The following ARHGAP6 variants were observed in gnomAD, a reference collection of about 807,000 sequenced individuals.
The protein encoded by ARHGAP6 is rho GTPase-activating protein 6.
ARHGAP6 carries 16 observed loss-of-function variants against 55.7 expected under a neutral mutation model. The observed-to-expected ratio is 0.29, with a 90% CI of 0.19 to 0.44. ARHGAP6 has a LOEUF of 0.44. ARHGAP6 is among the 20% of genes least tolerant of loss of function. The pLI, the probability that ARHGAP6 is intolerant of heterozygous loss-of-function variation, is 1.00. For synonymous variants in ARHGAP6, 382 were observed against 360.9 expected (o/e 1.06, Z -0.66); for missense variants, 698 against 808.9 (o/e 0.86, Z 1.66).
intron 1 of ARHGAP6, among the ~76,000 whole-genome samples, chrX:11,417,107 C>CAT (rs2049762365): frequency 2.3e-5 from 1 of 44,148 alleles, no homozygotes; most frequent in African/African-American, 1.0e-4. Context: ...TATATATATA[C>CAT]ACATACATAT....
intron 1 of ARHGAP6, among the ~76,000 whole-genome samples, chrX:11,640,784 A>G (rs1009702283): frequency 9.0e-6 from 1 of 111,536 alleles, no homozygotes; most frequent in African/African-American, 3.2e-5. Flanking sequence ...AGGCAGCTCA[A>G]AGTACCCCCA....
chrX:11,514,372 C>T (rs1053339751), intron 1 of ARHGAP6, among the ~76,000 whole-genome samples: 10 of 109,793 alleles, frequency 9.1e-5, no homozygotes, highest in Non-Finnish European at 1.5e-4. Flanking sequence ...CAGAATTGCT[C>T]AATTTACCAC....
intron 2 of ARHGAP6, among the ~76,000 whole-genome samples, chrX:11,231,072 A>G (rs940756224): frequency 2.0e-4 from 22 of 111,934 alleles, no homozygotes; most frequent in Non-Finnish European, 4.1e-4. Context: ...TTTAATTTAT[A>G]TATTTGTGAC....
At chrX:11,330,434 A>G (rs1275381116) in intron 1 of ARHGAP6, among the ~76,000 whole-genome samples, 1 of 111,889 alleles carries the variant, frequency 8.9e-6, no homozygotes, top group Non-Finnish European at 1.9e-5. Flanking sequence ...TTATTAATAT[A>G]TAATTTTAAA....
In ARHGAP6 at chrX:11,462,651, C is replaced by T. The variant is rs749697290; in HGVS notation, c.588+201590G>A. 2.4e-4 allele frequency among the ~76,000 whole-genome samples: 27 copies of T among 112,444 alleles called. No individual in the cohort carries two copies. The South Asian group carries it at 9.3e-3, about 39-fold the overall frequency. ...TTATAATGAGATTTGGGATAACATT[C>T]TGATTCTCCAAATCTTAGAAAGCAG... On this transcript the variant is annotated intron_variant, in intron 1 of 12. Coordinates refer to ENST00000337414, the MANE Select transcript of ARHGAP6 (RefSeq NM_013427.3).
chrX:11,144,548 T>A (rs1804240331), intron 10 of ARHGAP6, among the ~76,000 whole-genome samples: 1 of 112,729 alleles, frequency 8.9e-6, no homozygotes, highest in African/African-American at 3.2e-5. Context: ...CATCGCTAAG[T>A]GCCTCAGGGA....
At chrX:11,176,529 T>A (rs1202150661) in intron 8 of ARHGAP6, among the ~76,000 whole-genome samples, 1 of 105,714 alleles carries the variant, frequency 9.5e-6, no homozygotes, top group Non-Finnish European at 1.9e-5. Context: ...AGGGCAACAA[T>A]GAGTTCGATT....
At chrX:11,214,891 C>T (rs755305809) in intron 2 of ARHGAP6, among the ~76,000 whole-genome samples, 9 of 113,185 alleles carry the variant, frequency 8.0e-5, no homozygotes, top group Admixed American at 2.8e-4. Flanking sequence ...GGTGGGGAGG[C>T]GGGGAAAGCC....
intron 1 of ARHGAP6, among the ~76,000 whole-genome samples, chrX:11,529,051 C>T (rs776089963): frequency 6.3e-5 from 7 of 111,944 alleles, no homozygotes; most frequent in East Asian, 2.8e-4. Context: ...ATGTCACACA[C>T]ACAATCTCCC....
At chrX:11,440,165 T>C (rs1163805860) in intron 1 of ARHGAP6, among the ~76,000 whole-genome samples, 1 of 112,406 alleles carries the variant, frequency 8.9e-6, no homozygotes, top group Non-Finnish European at 1.9e-5. Flanking sequence ...CTATTATTCT[T>C]CCTTGTCTTA....
chrX:11,632,397 T>A (rs1379100372), intron 1 of ARHGAP6, among the ~76,000 whole-genome samples: 1 of 112,380 alleles, frequency 8.9e-6, no homozygotes, highest in Non-Finnish European at 1.9e-5. Flanking sequence ...CTAGAAAGCC[T>A]TTGGGGTTAC....
At chrX:11,405,573 T>G (rs1347644084) in intron 1 of ARHGAP6, among the ~76,000 whole-genome samples, 3 of 112,338 alleles carry the variant, frequency 2.7e-5, no homozygotes, top group African/African-American at 9.7e-5. Context: ...TTAAAAAATT[T>G]TAATGGCAAG....
At chrX:11,215,157 C>T (rs1210650388) in intron 2 of ARHGAP6, among the ~76,000 whole-genome samples, 7 of 112,591 alleles carry the variant, frequency 6.2e-5, no homozygotes, top group African/African-American at 9.7e-5. Context: ...CCCAGCAGGA[C>T]AGGACACTTG....
intron 10 of ARHGAP6, among the ~76,000 whole-genome samples, chrX:11,146,450 G>A (rs982142240): frequency 1.8e-5 from 2 of 111,854 alleles, no homozygotes; most frequent in African/African-American, 6.5e-5. Flanking sequence ...TAGACAGAGG[G>A]GGCATCCAAT....
chrX:11,478,919 AAACT>A (rs2050429238), intron 1 of ARHGAP6, among the ~76,000 whole-genome samples: 1 of 112,142 alleles, frequency 8.9e-6, no homozygotes, highest in Non-Finnish European at 1.9e-5. Context: ...GTGTAAGCCC[AAACT>A]CTTTGAACTC....
intron 3 of ARHGAP6, among the ~76,000 whole-genome samples, chrX:11,192,035 A>C (rs755598984): frequency 9.0e-6 from 1 of 111,678 alleles, no homozygotes; most frequent in African/African-American, 3.3e-5. Context: ...TTAAACTTCC[A>C]TCCATAGATA....
At chrX:11,651,488 G>A (rs950396554) in intron 1 of ARHGAP6, among the ~76,000 whole-genome samples, 1 of 111,992 alleles carries the variant, frequency 8.9e-6, no homozygotes, top group Non-Finnish European at 1.9e-5. Context: ...TTTTATGACT[G>A]CAGAGTATTC....
intron 1 of ARHGAP6, among the ~76,000 whole-genome samples, chrX:11,360,240 T>C (rs1291375611): frequency 1.8e-5 from 2 of 111,863 alleles, no homozygotes; most frequent in Admixed American, 9.5e-5. Context: ...TGATGAACAT[T>C]GATGCAAAAA....
At chrX:11,404,841 A>G (rs2049592046) in intron 1 of ARHGAP6, among the ~76,000 whole-genome samples, 1 of 112,405 alleles carries the variant, frequency 8.9e-6, no homozygotes, top group Non-Finnish European at 1.9e-5. Context: ...TTAACATTCT[A>G]ACTATCTTAT....
Sources: gnomAD v4.1 joint callset for allele counts (sites outside exome capture counted in the v4.1 genomes callset) on GRCh38, gnomAD v4.1.1 for gene constraint, MANE v1.5 for transcripts, NCBI Gene and HGNC (gene_info 2026-07-23, HGNC 2026-07-21) for gene names.